YTHDF2: variants seen among roughly 807,000 people sequenced by gnomAD.
YTHDF2 encodes YTH N6-methyladenosine RNA binding protein F2.
A neutral mutation model predicts 50.4 loss-of-function variants in YTHDF2; 2 were observed. The observed-to-expected ratio is 0.04, with a 90% CI of 0.02 to 0.12. YTHDF2 has a LOEUF of 0.12. Among genes scored for constraint, YTHDF2 ranks in the 10% least tolerant of loss-of-function variants. YTHDF2 has a pLI of 1.00. For synonymous variants in YTHDF2, 217 were observed against 255.6 expected, an observed-to-expected ratio of 0.85 and a Z score of 1.44; for missense variants, 483 against 722.6, an observed-to-expected ratio of 0.67 and a Z score of 3.80.
At chr1:28,753,054 AT>A (rs566865144) in intron 4 of YTHDF2, among the ~76,000 whole-genome samples, 1 of 151,748 alleles carries the variant, frequency 6.6e-6, no homozygotes, top group Non-Finnish European at 1.5e-5. Context: ...AGAAAAAAAA[AT>A]TTTTTTGAGG....
chr1:28,737,207 C>G, intron 1 of YTHDF2, 60 bp downstream of exon 1: 1 of 1,486,360 alleles, frequency 6.7e-7, no homozygotes, highest in Non-Finnish European at 9.0e-7. Flanking sequence ...CCCGACTAGG[C>G]CCGGGCCCGC....
At chr1:28,757,116 A>C (rs778517702) in intron 4 of YTHDF2, among the ~76,000 whole-genome samples, 2 of 152,234 alleles carry the variant, frequency 1.3e-5, no homozygotes, top group Non-Finnish European at 1.5e-5. Flanking sequence ...TCCTTGCGGA[A>C]TAAACAAATA....
At chr1:28,761,891 A>G (rs1175622940) in intron 4 of YTHDF2, among the ~76,000 whole-genome samples, 1 of 152,266 alleles carries the variant, frequency 6.6e-6, no homozygotes, top group East Asian at 1.9e-4. Context: ...TGGAGAACTG[A>G]TGAAAAATAC....
At chr1:28,759,269 CCTGGAGCT>C (rs1269608617) in intron 4 of YTHDF2, among the ~76,000 whole-genome samples, 4 of 152,088 alleles carry the variant, frequency 2.6e-5, no homozygotes, top group African/African-American at 9.7e-5. Context: ...ACTGGAAAGA[CCTGGAGCT>C]CTGGAGGAAG....
intron 4 of YTHDF2, among the ~76,000 whole-genome samples, chr1:28,756,988 C>T (rs984878643): frequency 2.6e-5 from 4 of 152,154 alleles, no homozygotes; most frequent in Non-Finnish European, 1.5e-5. Context: ...CAGCTCAGAT[C>T]GTTGCTTCTT....
At chr1:28,765,735 G>A (rs1274902236) in intron 4 of YTHDF2, among the ~76,000 whole-genome samples, 1 of 152,160 alleles carries the variant, frequency 6.6e-6, no homozygotes. Context: ...GCAGATGTGA[G>A]CTACCATGCT....
At chr1:28,765,954 A>G (rs2124211899) in intron 4 of YTHDF2, among the ~76,000 whole-genome samples, 1 of 152,358 alleles carries the variant, frequency 6.6e-6, no homozygotes, top group East Asian at 1.9e-4. Flanking sequence ...TATCAAAATC[A>G]GGAAATTTAA....
intron 4 of YTHDF2, among the ~76,000 whole-genome samples, chr1:28,753,329 C>G (rs2087984096): frequency 9.1e-6 from 1 of 109,566 alleles, no homozygotes; most frequent in Admixed American, 1.4e-4. Flanking sequence ...TGAGACCAGC[C>G]TAGGCAACAT....
In YTHDF2 at chr1:28,743,213, C is replaced by T. The variant is rs1454327250; in HGVS notation, c.943C>T (p.Pro315Ser). 6 of 1,614,006 alleles carry T rather than the reference C, an allele frequency of 3.7e-6. No individual in the cohort carries two copies. The highest frequency in any genetic ancestry group is 2.2e-5 in the South Asian group (2 of 91,088). Residue 315 changes from proline to serine, a missense_variant, in exon 4 of 5, where the codon CCA becomes TCA. Physicochemically the swap from Pro to Ser is moderately conservative, Grantham distance 74 (BLOSUM62 -1). This residue lies in a region of YTHDF2 where 385 missense variants were observed against 475.8 expected (regional missense o/e 0.81). Transcript: ENST00000373812. The surrounding 1 kb of genome is among the most constrained non-coding windows in gnomAD (Gnocchi z 6.9). ...QPVGQQANNS[P>S]PVAQASVGQQ... Reference sequence around the variant, plus strand: ...TGTAGGTCAGCAGGCTAACAATAGCCCACCAGTGGCTCAGGCATCAGTAGG... The same window carrying T: ...TGTAGGTCAGCAGGCTAACAATAGCTCACCAGTGGCTCAGGCATCAGTAGG...
intron 4 of YTHDF2, among the ~76,000 whole-genome samples, chr1:28,760,573 C>T (rs1009492052): frequency 2.6e-5 from 4 of 151,728 alleles, no homozygotes; most frequent in African/African-American, 9.7e-5. Context: ...CAGTCGTGAG[C>T]CACCACACCT....
intron 4 of YTHDF2, among the ~76,000 whole-genome samples, chr1:28,759,252 T>C (rs1284595675): frequency 6.6e-6 from 1 of 152,180 alleles, no homozygotes; most frequent in African/African-American, 2.4e-5. Context: ...ATAATAAATA[T>C]ATAGGTACTG....
rs780784684 is a variant in YTHDF2, at chr1:28,737,698, C to T, written c.52+16C>T. 83 of 1,613,440 alleles carry T rather than the reference C, an allele frequency of 5.1e-5. No individual in the cohort carries two copies. Among genetic ancestry groups the T allele is most frequent in the Non-Finnish European group, 6.7e-5 (79 of 1,179,802 alleles). On this transcript the variant is annotated intron_variant, in intron 2 of 4. Transcript: ENST00000373812. ...GGAAACAAAGGTAAGTCCCGCTCCG[C>T]CGGTGGCCCTGAGCCGGGAGGGGGA...
At position 28,738,269 on chromosome 1, in the gene YTHDF2, A is replaced by G. The variant is rs765317624; in HGVS notation, c.63A>G (p.Gly21=). The change falls in exon 3 of 5, where the codon GGA becomes GGG. Residue 21 remains glycine (G), a synonymous_variant. Transcript: ENST00000373812. Reference sequence around the variant, plus strand: ...TTTTTTTTTCTTTAGTACAAAATGGATCTGTACATCAAAAGGATGGATTAA... The same window carrying G: ...TTTTTTTTTCTTTAGTACAAAATGGGTCTGTACATCAAAAGGATGGATTAA... ...PKGQGNKVQN[G]SVHQKDGLND... 5.0e-6 allele frequency: 8 copies of G among 1,613,834 alleles called. No individual in the cohort carries two copies. In the South Asian group the frequency reaches 7.7e-5, roughly 16 times the overall value.
chr1:28,764,480 G>C (rs1394932254), intron 4 of YTHDF2, among the ~76,000 whole-genome samples: 1 of 150,242 alleles, frequency 6.7e-6, no homozygotes. Flanking sequence ...TCACCATCTT[G>C]CCCAGGCTGA....
rs749888049 is a variant in YTHDF2, at chr1:28,743,589, A to G, written c.1319A>G (p.Lys440Arg). 5.0e-6 allele frequency: 8 copies of G among 1,614,180 alleles called. No homozygotes were observed. The Admixed American group carries it at 5.0e-5, about 10-fold the overall frequency. The change falls in exon 4 of 5, where the codon AAG becomes AGG. Residue 440 changes from lysine (K) to arginine (R), a missense_variant. Physicochemically the swap from Lys to Arg is conservative, Grantham distance 26 (BLOSUM62 2). Transcript: ENST00000373812. The surrounding 1 kb of genome is among the most constrained non-coding windows in gnomAD (Gnocchi z 6.9). ...TGGTGCAGCACAGAGCATGGTAACA[A>G]GAGACTGGATGCTGCTTATCGTTCC... ...NIWCSTEHGN[K>R]RLDAAYRSMN... is the part of the protein sequence containing the mutation.
At chr1:28,738,023 G>A (rs1253962415) in intron 2 of YTHDF2, among the ~76,000 whole-genome samples, 1 of 152,126 alleles carries the variant, frequency 6.6e-6, no homozygotes, top group Non-Finnish European at 1.5e-5. Context: ...GGGAGGGAAT[G>A]GAAATCCAGA....
chr1:28,762,354 G>A (rs373331475), intron 4 of YTHDF2, among the ~76,000 whole-genome samples: 21 of 152,222 alleles, frequency 1.4e-4, no homozygotes, highest in African/African-American at 4.8e-4. Flanking sequence ...ATTGTGCCAC[G>A]GCACTCCAGT....
intron 3 of YTHDF2, among the ~76,000 whole-genome samples, chr1:28,741,816 C>T (rs1159838637): frequency 2.0e-5 from 3 of 152,144 alleles, no homozygotes; most frequent in Non-Finnish European, 4.4e-5. Context: ...GTTTTATTAT[C>T]ACCTGGTTTG....
intron 4 of YTHDF2, among the ~76,000 whole-genome samples, chr1:28,745,828 C>T (rs2087851034): frequency 6.7e-6 from 1 of 148,622 alleles, no homozygotes; most frequent in Non-Finnish European, 1.5e-5. Context: ...TTGCCTGGGC[C>T]TAGGAGTTTA....
Sources: gnomAD v4.1 joint callset for allele counts (sites outside exome capture counted in the v4.1 genomes callset) on GRCh38, gnomAD v4.1.1 for gene constraint, gnomAD v4.1.1 regional missense constraint, Gnocchi (gnomAD v3.1) non-coding constraint, MANE v1.5 for transcripts, NCBI Gene and HGNC (gene_info 2026-07-23, HGNC 2026-07-21) for gene names.